LRMDA: variants seen among roughly 807,000 people sequenced by gnomAD.
LRMDA encodes the protein leucine rich melanocyte differentiation associated.
In LRMDA, 18 loss-of-function variants were observed where a neutral mutation model predicts 29.8. The ratio of observed to expected loss-of-function variants is 0.60; its 90% CI spans 0.42 to 0.90. The LOEUF is 0.90. Among genes scored for constraint, LRMDA ranks in the 40% least tolerant of loss-of-function variants. LRMDA has a pLI of 0.00. For missense variants in LRMDA, 273 were observed against 273.9 expected (o/e 1.00, Z 0.02); for synonymous variants, 125 against 109.4 (o/e 1.14, Z -0.89).
At chr10:76,505,186 A>T (rs927401911) in intron 6 of LRMDA, among the ~76,000 whole-genome samples, 2 of 151,370 alleles carry the variant, frequency 1.3e-5, no homozygotes. Context: ...TGCTAGCTTG[A>T]TGGGATTCCC....
intron 5 of LRMDA, among the ~76,000 whole-genome samples, chr10:76,206,253 G>T (rs965556590): frequency 1.3e-5 from 2 of 152,076 alleles, no homozygotes; most frequent in East Asian, 3.9e-4. Context: ...AACCTCTTAC[G>T]ACGTTGTGCT....
At chr10:75,771,770 TG>T (rs959516688) in intron 2 of LRMDA, among the ~76,000 whole-genome samples, 1 of 151,330 alleles carries the variant, frequency 6.6e-6, no homozygotes, top group African/African-American at 2.4e-5. Context: ...CAGACAGAGG[TG>T]GGGGGGTTTT....
intron 6 of LRMDA, among the ~76,000 whole-genome samples, chr10:76,463,917 A>ATTCTTTTTTTTT (rs1842537244): frequency 8.9e-6 from 1 of 112,884 alleles, no homozygotes; most frequent in Admixed American, 1.0e-4. Flanking sequence ...TGCAAAATAA[A>ATTCTTTTTTTTT]TTTTTTTTTT....
At chr10:75,890,103 T>C (rs148502503) in intron 2 of LRMDA, among the ~76,000 whole-genome samples, 28 of 152,248 alleles carry the variant, frequency 1.8e-4, no homozygotes, top group African/African-American at 5.5e-4. Flanking sequence ...GTCCTCACTG[T>C]AAGCAAACGC....
At chr10:76,241,520 CT>C (rs1374457514) in intron 5 of LRMDA, among the ~76,000 whole-genome samples, 1 of 152,054 alleles carries the variant, frequency 6.6e-6, no homozygotes. Context: ...TGCTTGAAAT[CT>C]TTTTTTTCTC....
At chr10:75,805,868 T>G (rs996280185) in intron 2 of LRMDA, among the ~76,000 whole-genome samples, 1 of 152,178 alleles carries the variant, frequency 6.6e-6, no homozygotes, top group Non-Finnish European at 1.5e-5. Context: ...GATATACTGA[T>G]ACTTTATAAT....
chr10:76,337,002 G>A (rs980477013), intron 6 of LRMDA, among the ~76,000 whole-genome samples: 40 of 151,750 alleles, frequency 2.6e-4, no homozygotes, highest in Admixed American at 1.6e-3. Context: ...TTCATATAAT[G>A]TTCAAATCAG....
intron 2 of LRMDA, among the ~76,000 whole-genome samples, chr10:75,475,016 G>A (rs940829687): frequency 6.6e-6 from 1 of 152,144 alleles, no homozygotes; most frequent in Non-Finnish European, 1.5e-5. Flanking sequence ...CCATAGCCCA[G>A]CACCTGCACA....
intron 5 of LRMDA, among the ~76,000 whole-genome samples, chr10:76,235,342 TATA>T (rs964325058): frequency 1.5e-4 from 23 of 152,084 alleles, no homozygotes; most frequent in African/African-American, 5.5e-4. Context: ...CCATAACAGA[TATA>T]ATAATAATGA....
intron 2 of LRMDA, among the ~76,000 whole-genome samples, chr10:75,847,429 C>T (rs1175373347): frequency 6.9e-6 from 1 of 144,580 alleles, no homozygotes; most frequent in Non-Finnish European, 1.5e-5. Flanking sequence ...CATAGGAAAG[C>T]TTCAATGCAG....
intron 2 of LRMDA, among the ~76,000 whole-genome samples, chr10:75,919,186 AG>A (rs894408389): frequency 1.3e-5 from 2 of 152,212 alleles, no homozygotes; most frequent in Admixed American, 1.3e-4. Flanking sequence ...GAAGCTGGGC[AG>A]CCTGGCCTCT....
At chr10:75,820,081 C>T (rs1844131087) in intron 2 of LRMDA, among the ~76,000 whole-genome samples, 1 of 152,152 alleles carries the variant, frequency 6.6e-6, no homozygotes, top group African/African-American at 2.4e-5. Flanking sequence ...CAGTAATCTA[C>T]TGACAACATT....
intron 2 of LRMDA, among the ~76,000 whole-genome samples, chr10:75,889,130 G>T (rs1373371303): frequency 6.6e-6 from 1 of 152,122 alleles, no homozygotes; most frequent in Non-Finnish European, 1.5e-5. Context: ...CTGCTCCAAG[G>T]GTGTTTGTGG....
intron 5 of LRMDA, among the ~76,000 whole-genome samples, chr10:76,119,709 C>T (rs1418446584): frequency 6.6e-6 from 1 of 152,152 alleles, no homozygotes; most frequent in Non-Finnish European, 1.5e-5. Flanking sequence ...CAAGGGACTT[C>T]CAGGAAAGCA....
intron 5 of LRMDA, among the ~76,000 whole-genome samples, chr10:76,063,144 A>C (rs1848729883): frequency 6.6e-6 from 1 of 152,238 alleles, no homozygotes; most frequent in South Asian, 2.1e-4. Context: ...CCAACTGTTT[A>C]ATCTTCAGAA....
rs74148659 is a variant in LRMDA at position 76,085,693 on chromosome 10, T to G, written c.516+26910T>G. Among the ~76,000 whole-genome samples, 179 of 152,322 alleles carry G rather than the reference T, an allele frequency of 1.2e-3. 1 individual carries two copies. Among genetic ancestry groups the G allele is most frequent in the African/African-American group, 4.2e-3 (175 of 41,574 alleles). On this transcript the variant is annotated intron_variant, in intron 5 of 6. Coordinates refer to ENST00000611255, the MANE Select transcript of LRMDA (RefSeq NM_001305581.2). ...TGCAGAATGCTGTGGGATGTTGGTC[T>G]GCCTGGGACAGCCAAGGGAGGACAG...
rs187375566 is a variant in LRMDA at position 76,369,582 on chromosome 10, A to G, written c.601+45097A>G. 2.1e-3 allele frequency among the ~76,000 whole-genome samples: 321 copies of G among 152,216 alleles called. 3 individuals carry two copies. Among genetic ancestry groups the G allele is most frequent in the Non-Finnish European group, 7.9e-4 (54 of 68,014 alleles). On this transcript the variant is annotated intron_variant, in intron 6 of 6. Coordinates refer to ENST00000611255, the MANE Select transcript of LRMDA (RefSeq NM_001305581.2). Reference sequence around the variant, plus strand: ...CTTAAATTTGGATAACCTGATGACAATGTTCTTAGGCAGAGATCTTTTTGT... The same window carrying G: ...CTTAAATTTGGATAACCTGATGACAGTGTTCTTAGGCAGAGATCTTTTTGT...
chr10:75,687,088 T>C (rs1024604452), intron 2 of LRMDA, among the ~76,000 whole-genome samples: 3 of 152,158 alleles, frequency 2.0e-5, no homozygotes, highest in Non-Finnish European at 4.4e-5. Context: ...CCTCATTCTC[T>C]GAGACAAAAC....
At chr10:75,553,128 T>C (rs1287025336) in intron 2 of LRMDA, among the ~76,000 whole-genome samples, 2 of 152,214 alleles carry the variant, frequency 1.3e-5, no homozygotes, top group African/African-American at 2.4e-5. Context: ...TTTGATTCAA[T>C]GCCAGATAAT....
Sources: allele counts gnomAD v4.1 joint callset (sites outside exome capture counted in the v4.1 genomes callset), GRCh38; gene constraint gnomAD v4.1.1; transcripts MANE v1.5; gene names NCBI Gene and HGNC (gene_info 2026-07-23, HGNC 2026-07-21).